The following PRCD variants were observed in gnomAD, a reference collection of about 807,000 sequenced individuals.
PRCD encodes photoreceptor disc component.
PRCD carries 12 observed loss-of-function variants against 10.1 expected under a neutral mutation model. The observed-to-expected ratio is 1.18, with a 90% confidence interval of 0.76 to 1.92. The LOEUF (loss-of-function observed/expected upper bound fraction) is 1.92. Among genes scored for constraint, PRCD ranks in the 40% most tolerant of loss-of-function variants. The pLI, the probability that PRCD is intolerant of heterozygous loss-of-function variation, is 0.00. For missense variants in PRCD, 61 were observed against 72.2 expected (o/e 0.84, Z 0.56); for synonymous variants, 31 against 26.2 (o/e 1.18, Z -0.56).
At chr17:76,532,511 G>A (rs1197245360) in intron 1 of PRCD, among the ~76,000 whole-genome samples, 1 of 150,174 alleles carries the variant, frequency 6.7e-6, no homozygotes, top group African/African-American at 2.4e-5. Flanking sequence ...GGGCCCTGCA[G>A]TGTGAAAAAT....
At chr17:76,529,067 C>T (rs865795811) in intron 1 of PRCD, 56 of 411,482 alleles carry the variant, frequency 1.4e-4, no homozygotes, top group African/African-American at 7.3e-4. Context: ...CCCCCACCCA[C>T]GCAAAGGCGC....
Position 76,543,089 on chromosome 17 carries a change from G to A in PRCD, c.*120G>A. The A allele has an allele frequency of 2.1e-6, 1 of 471,500 alleles. No individual in the cohort carries two copies. Among genetic ancestry groups the A allele is most frequent in the Non-Finnish European group, 4.4e-6 (1 of 227,296 alleles). 29.2% of individuals were successfully genotyped at this position (471,500 alleles called of 1,614,324 possible). ...GCTGTGGGAGCTGCAGCAGCGGCAA[G>A]AGGGAGAATGGGGGGAAGCAGCACT... On this transcript the variant is annotated 3_prime_UTR_variant, in exon 4 of 5. Transcript: ENST00000592014.
At chr17:76,552,030 T>G (rs1000688015) in intron 1 of PRCD, 3 of 152,156 alleles carry the variant, frequency 2.0e-5, no homozygotes, top group Admixed American at 2.0e-4. Context: ...CTGTTATGAT[T>G]TCCGGAAGGA....
intron 1 of PRCD, chr17:76,529,728 A>AG: frequency 1.0e-6 from 1 of 985,166 alleles, no homozygotes; most frequent in South Asian, 4.7e-5. Context: ...GTGGGGGGTG[A>AG]GGGGGCAACC....
chr17:76,531,697 A>G lies in PRCD; in HGVS notation n.45+3864A>G. 4 of 1,588,922 alleles carry G rather than the reference A, an allele frequency of 2.5e-6. No homozygotes were observed. The highest frequency in any genetic ancestry group is 3.4e-6 in the Non-Finnish European group (4 of 1,161,174). ...AGGGGAAGTTCACAAAGAACCTGGCAAGAGGAACAGGGGTGGTCGCTGAAG... is the reference window on the plus strand; with the variant it reads ...AGGGGAAGTTCACAAAGAACCTGGCGAGAGGAACAGGGGTGGTCGCTGAAG... On this transcript the variant is annotated intron_variant and non_coding_transcript_variant, in intron 1 of 4. Coordinates refer to the PRCD transcript ENST00000397633. The surrounding 1 kb of genome is among the most constrained non-coding windows in gnomAD (Gnocchi z 7.4).
Position 76,544,144 on chromosome 17 carries a change from C to A in PRCD, c.*494C>A. The A allele has an allele frequency of 2.2e-6, 1 of 454,598 alleles. No individual in the cohort carries two copies. The highest frequency in any genetic ancestry group is 4.4e-6 in the Non-Finnish European group (1 of 226,876). 28.2% of individuals were successfully genotyped at this position (454,598 alleles called of 1,614,324 possible). ...TTCTGCTCCCAGATCCAGGAGCAGA[C>A]CCTGCAGGCAGCTGCTCCTGATGTC... On this transcript the variant is annotated 3_prime_UTR_variant, in exon 5 of 5. Transcript: ENST00000592014.
exon 2 of PRCD, chr17:76,553,487 CA>C (rs2143235950): frequency 6.6e-6 from 1 of 152,336 alleles, no homozygotes; most frequent in East Asian, 1.9e-4. Context: ...GCCACCGTTC[CA>C]AATGTAAGCA....
chr17:76,540,210 C>T lies in PRCD; in HGVS notation c.69C>T (p.Val23=). The T allele has an allele frequency of 1.3e-6, 2 of 1,599,844 alleles. No homozygotes were observed. The highest frequency in any genetic ancestry group is 8.5e-7 in the Non-Finnish European group (1 of 1,175,122). ...GGCGCCGCCGATTTGCCAACCGAGT[C>T]CAACCGTGAGAAACTGACCGGGCTA... ...MLWRRRFANR[V]QPEPSDVDGA... The change falls in exon 1 of 5, where the codon GTC becomes GTT. Residue 23 remains valine, a synonymous_variant. Transcript: ENST00000592014. The surrounding 1 kb of genome is among the most constrained non-coding windows in gnomAD (Gnocchi z 5.0).
intron 1 of PRCD, among the ~76,000 whole-genome samples, chr17:76,552,529 C>A (rs886431696): frequency 6.6e-6 from 1 of 151,922 alleles, no homozygotes; most frequent in African/African-American, 2.4e-5. Flanking sequence ...TTCACTCAAA[C>A]TGAGATGCCA....
Position 76,528,453 on chromosome 17 carries a change from C to T in PRCD, n.45+620C>T, listed in dbSNP as rs781268131. On this transcript the variant is annotated intron_variant and non_coding_transcript_variant, in intron 1 of 4. Coordinates refer to the PRCD transcript ENST00000397633. This position sits in a 1 kb window ranked among gnomAD's most constrained non-coding sequence, Gnocchi z 5.8. The stretch of plus-strand genomic sequence containing the variant: ...CCCTGGCCGCCACAGAGGCCTCCTT[C>T]GGGGAAGTTGAGTCAGGGATTCCTC... 4.6e-5 allele frequency: 44 copies of T among 947,946 alleles called. No individual in the cohort carries two copies. The East Asian group carries it at 8.9e-4, about 19-fold the overall frequency. 58.7% of individuals were successfully genotyped at this position (947,946 alleles called of 1,614,324 possible). A position where few individuals can be genotyped will look rare whatever the true frequency, so the allele number is the denominator to read the frequency against.
In PRCD at chr17:76,528,557, AG is replaced by A. The variant is rs754447986; in HGVS notation, n.45+730del. 4.2e-6 allele frequency: 5 copies of A among 1,186,230 alleles called. No homozygotes were observed. Among genetic ancestry groups the A allele is most frequent in the Non-Finnish European group, 3.2e-6 (3 of 938,916 alleles). The allele number at this position is 1,186,230 out of a possible 1,614,324, so 73.5% of individuals were successfully genotyped here. ...CCTTCTGCTCGAGGTGCTGCCAGGGAGGGGGGTGGAGTTAGGGGTCCTACGG... is the reference window on the plus strand; with the variant it reads ...CCTTCTGCTCGAGGTGCTGCCAGGGAGGGGGTGGAGTTAGGGGTCCTACGG... On this transcript the variant is annotated intron_variant and non_coding_transcript_variant, in intron 1 of 4. Coordinates refer to the PRCD transcript ENST00000397633. This position sits in a 1 kb window ranked among gnomAD's most constrained non-coding sequence, Gnocchi z 5.8.
upstream of PRCD, chr17:76,537,631 G>A: frequency 2.1e-6 from 2 of 972,740 alleles, no homozygotes; most frequent in Non-Finnish European, 2.4e-6. Flanking sequence ...AGCCGGGGCC[G>A]GCTGCGTGCG....
Position 76,540,239 on chromosome 17 carries a change from C to A in PRCD, c.74+24C>A, listed in dbSNP as rs1165042652. On this transcript the variant is annotated intron_variant, in intron 1 of 4. Transcript: ENST00000592014. The surrounding 1 kb of genome is among the most constrained non-coding windows in gnomAD (Gnocchi z 5.0). Reference sequence around the variant, plus strand: ...CCGTGAGAAACTGACCGGGCTATGGCTGGCGGTTGGTCGGGGGGGGGGGGC... The same window carrying A: ...CCGTGAGAAACTGACCGGGCTATGGATGGCGGTTGGTCGGGGGGGGGGGGC... 2 of 306,836 alleles carry A rather than the reference C, an allele frequency of 6.5e-6. No homozygotes were observed. Among genetic ancestry groups the A allele is most frequent in the Non-Finnish European group, 1.2e-5 (2 of 165,344 alleles). The allele number at this position is 306,836 out of a possible 1,614,324, so 19.0% of individuals were successfully genotyped here.
Position 76,530,906 on chromosome 17 carries a change from A to T in PRCD, n.45+3073A>T. 1 of 1,470,342 alleles carries T rather than the reference A, an allele frequency of 6.8e-7. No individual in the cohort carries two copies. Among genetic ancestry groups the T allele is most frequent in the East Asian group, 2.5e-5 (1 of 40,186 alleles). The allele number at this position is 1,470,342 out of a possible 1,614,324, so 91.1% of individuals were successfully genotyped here. A position where few individuals can be genotyped will look rare whatever the true frequency, so the allele number is the denominator to read the frequency against. On this transcript the variant is annotated intron_variant and non_coding_transcript_variant, in intron 1 of 4. Coordinates refer to the PRCD transcript ENST00000397633. This position sits in a 1 kb window ranked among gnomAD's most constrained non-coding sequence, Gnocchi z 6.1. ...GTGATCAGCCCCAGGGCCTCAGGAGATATGGGAGACCTCGGGGACAGCAGA... is the reference window on the plus strand; with the variant it reads ...GTGATCAGCCCCAGGGCCTCAGGAGTTATGGGAGACCTCGGGGACAGCAGA...
In PRCD at chr17:76,531,290, G is replaced by A; in HGVS notation, n.45+3457G>A. 1.7e-6 allele frequency: 2 copies of A among 1,203,018 alleles called. No homozygotes were observed. The highest frequency in any genetic ancestry group is 2.3e-6 in the Non-Finnish European group (2 of 860,518). 74.5% of individuals were successfully genotyped at this position (1,203,018 alleles called of 1,614,324 possible). On this transcript the variant is annotated intron_variant and non_coding_transcript_variant, in intron 1 of 4. Coordinates refer to the PRCD transcript ENST00000397633. The surrounding 1 kb of genome is among the most constrained non-coding windows in gnomAD (Gnocchi z 7.4). ...GGGAACCCCGTGCTCTCAGGACAAG[G>A]GTTGCCCTGGACCCAGCCCCTCCAT...
Position 76,540,270 on chromosome 17 carries a change from G to T in PRCD, c.74+55G>T, listed in dbSNP as rs2074974880. 3 of 1,026,280 alleles carry T rather than the reference G, an allele frequency of 2.9e-6. No individual in the cohort carries two copies. The highest frequency in any genetic ancestry group is 2.7e-5 in the South Asian group (2 of 73,342). The allele number at this position is 1,026,280 out of a possible 1,614,324, so 63.6% of individuals were successfully genotyped here. A position where few individuals can be genotyped will look rare whatever the true frequency, so the allele number is the denominator to read the frequency against. On this transcript the variant is annotated intron_variant, in intron 1 of 4. Transcript: ENST00000592014. The surrounding 1 kb of genome is among the most constrained non-coding windows in gnomAD (Gnocchi z 5.0). Reference sequence around the variant, plus strand: ...GTTGGTCGGGGGGGGGGGGCATGGGGCTGGGCTGCCACCAAGCTGAAGGTG... The same window carrying T: ...GTTGGTCGGGGGGGGGGGGCATGGGTCTGGGCTGCCACCAAGCTGAAGGTG...
rs1468144649 is a variant in PRCD at position 76,540,259 on chromosome 17, G to GC, written c.74+44_74+45insC. ...TATGGCTGGCGGTTGGTCGGGGGGG[G>GC]GGGGCATGGGGCTGGGCTGCCACCA... On this transcript the variant is annotated intron_variant, in intron 1 of 4. Coordinates refer to ENST00000592014, the MANE Select transcript of PRCD (RefSeq NM_001077620.3). The surrounding 1 kb of genome is among the most constrained non-coding windows in gnomAD (Gnocchi z 5.0). 6.8e-6 allele frequency: 7 copies of GC among 1,026,674 alleles called. 1 individual carries two copies. The highest frequency in any genetic ancestry group is 2.6e-5 in the East Asian group (1 of 38,894). 63.6% of individuals were successfully genotyped at this position (1,026,674 alleles called of 1,614,324 possible).
chr17:76,535,941 G>T (rs956163916), upstream of PRCD, among the ~76,000 whole-genome samples: 2 of 152,208 alleles, frequency 1.3e-5, no homozygotes, highest in African/African-American at 4.8e-5. Context: ...TGTGCCAGAC[G>T]CATGCAAGGC....
At chr17:76,546,449 TTTG>T (rs965708383), downstream of PRCD, 70 of 14,408 alleles carry the variant, frequency 4.9e-3, no homozygotes, top group South Asian at 0.058. This position sits in a 1 kb window ranked among gnomAD's most constrained non-coding sequence, Gnocchi z 4.5. Context: ...GTGTGTGTGG[TTTG>T]TGTGTGTGTG....
Sources: gnomAD v4.1 joint callset for allele counts (sites outside exome capture counted in the v4.1 genomes callset) on GRCh38, gnomAD v4.1.1 for gene constraint, Gnocchi (gnomAD v3.1) non-coding constraint, MANE v1.5 for transcripts, NCBI Gene and HGNC (gene_info 2026-07-23, HGNC 2026-07-21) for gene names.